The following CELSR1 variants were observed in gnomAD, a reference collection of about 807,000 sequenced individuals.
The protein encoded by CELSR1 is adhesion G protein-coupled receptor C1.
A neutral mutation model predicts 249.1 loss-of-function variants in CELSR1; 110 were observed. The ratio of observed to expected loss-of-function variants is 0.44; its 90% CI spans 0.38 to 0.52. The LOEUF is 0.52. Among genes scored for constraint, CELSR1 ranks in the 20% least tolerant of loss-of-function variants. The pLI is 0.00. For synonymous variants in CELSR1, 2,113 were observed against 1,900.0 expected, an observed-to-expected ratio of 1.11 and a Z score of -2.92; for missense variants, 4,109 against 4,296.4, an observed-to-expected ratio of 0.96 and a Z score of 1.22.
At position 46,364,040 on chromosome 22, in the gene CELSR1, C is replaced by A; in HGVS notation, c.8991G>T (p.Met2997Ile). The A allele has an allele frequency of 1.9e-6, 3 of 1,611,776 alleles. No homozygotes were observed. Among genetic ancestry groups the A allele is most frequent in the Middle Eastern group, 1.7e-4 (1 of 6,010 alleles). The change falls in exon 34 of 35, where the codon ATG (methionine) becomes ATT (isoleucine). Residue 2997 changes from methionine (M) to isoleucine (I), a missense_variant. Transcript: ENST00000674500. ...CCTGGGCGCTCCCAGTGCGCACATT[C>A]ATGGCCACCCCGTTGAGGTGGTCAC... The part of the protein sequence containing the change: ...PGRDHLNGVA[M>I]NVRTGSAQAD...
At chr22:46,419,533 G>A (rs551209311) in intron 5 of CELSR1, among the ~76,000 whole-genome samples, 2 of 152,130 alleles carry the variant, frequency 1.3e-5, no homozygotes, top group African/African-American at 4.8e-5. Flanking sequence ...CACGGGCACC[G>A]GGACAGAGTG....
rs1488597816 is a variant in CELSR1 at position 46,463,874 on chromosome 22, C to T, written c.4016G>A (p.Arg1339Gln). The T allele has an allele frequency of 1.9e-6, 3 of 1,612,662 alleles. No homozygotes were observed. The highest frequency in any genetic ancestry group is 1.3e-5 in the African/African-American group (1 of 74,924). Residue 1339 changes from arginine to glutamine, a missense_variant, in exon 2 of 35, where the codon CGG (arginine) becomes CAG (glutamine). Physicochemically the swap from Arg to Gln is conservative, Grantham distance 43. Transcript: ENST00000674500. ...CAGGCCGTTGATGGGGTGGATGGGC[C>T]GGAAGAGCACGGTGGTGGAGCTGAG... is the stretch of plus-strand genomic sequence containing the variant. ...PFLSSTTVLF[R>Q]PIHPINGLRC...
rs756689376 is a variant in CELSR1, at chr22:46,534,163, T to C, written c.3008A>G (p.Glu1003Gly). The C allele has an allele frequency of 1.2e-6, 2 of 1,613,744 alleles. No homozygotes were observed. The highest frequency in any genetic ancestry group is 2.7e-5 in the African/African-American group (2 of 74,926). The stretch of plus-strand genomic sequence containing the variant: ...GTTCTCCTCAACAAACAGCTCCAGT[T>C]CGTCCTTCTCAAACATGGGGGCATT... ...NDNAPMFEKD[E>G]LELFVEENNP... The change falls in exon 1 of 35, where the codon GAA becomes GGA. Residue 1003 changes from glutamate (E) to glycine (G), a missense_variant. Around this residue, in one of 7 missense-constraint regions of CELSR1, gnomAD observed 886 missense variants for 896.5 expected, o/e 0.99. Transcript: ENST00000674500. The surrounding 1 kb of genome is among the most constrained non-coding windows in gnomAD (Gnocchi z 9.7).
rs2078720077 is a variant in CELSR1 at position 46,362,823 on chromosome 22, CG to C, written c.*399del. On this transcript the variant is annotated 3_prime_UTR_variant, in exon 35 of 35. Transcript: ENST00000674500. ...CACTGCCATGAGATGCCCGCCTGGG[CG>C]GGGCTGGACCGCGGTCTTTGGTCTG... 3 of 301,908 alleles carry C rather than the reference CG, an allele frequency of 9.9e-6. No individual in the cohort carries two copies. The South Asian group carries it at 2.7e-4, about 27-fold the overall frequency. The allele number at this position is 301,908 out of a possible 1,614,324, so 18.7% of individuals were successfully genotyped here. A position where few individuals can be genotyped will look rare whatever the true frequency, so the allele number is the denominator to read the frequency against.
At chr22:46,513,755 G>A (rs1471962842) in intron 1 of CELSR1, among the ~76,000 whole-genome samples, 1 of 152,126 alleles carries the variant, frequency 6.6e-6, no homozygotes, top group Non-Finnish European at 1.5e-5. Context: ...ATATGGCCCA[G>A]AAGCTCAAAG....
In CELSR1 at chr22:46,413,373, G is replaced by A. The variant is rs1423679181; in HGVS notation, c.4612-1614C>T. ...ACGCCCTGCCTGGAGTTGTGCAGTG[G>A]GCAGCCTGCACAACTGTATGTGGCC... On this transcript the variant is annotated intron_variant, in intron 5 of 34. Transcript: ENST00000674500. The surrounding 1 kb of genome is among the most constrained non-coding windows in gnomAD (Gnocchi z 4.7). Among the ~76,000 whole-genome samples, 4 of 152,140 alleles carry A rather than the reference G, an allele frequency of 2.6e-5. No homozygotes were observed. The highest frequency in any genetic ancestry group is 5.9e-5 in the Non-Finnish European group (4 of 68,018).
At position 46,367,769 on chromosome 22, in the gene CELSR1, A is replaced by T; in HGVS notation, c.8039T>A (p.Leu2680Gln). 6.2e-7 allele frequency: 1 copy of T among 1,609,838 alleles called. No homozygotes were observed. Among genetic ancestry groups the T allele is most frequent in the Non-Finnish European group, 8.5e-7 (1 of 1,178,970 alleles). ...LGLLAVNRDALSFHYLFAIFS... is the reference protein window; with the variant it reads ...LGLLAVNRDAQSFHYLFAIFS... ...GATGGCGAAGAGGTAGTGAAAGCTC[A>T]GTGCATCGCGGTTCACAGCCAGCAG... The change falls in exon 28 of 35, where the codon CTG becomes CAG. Residue 2680 changes from leucine to glutamine, a missense_variant. Coordinates refer to ENST00000674500, the MANE Select transcript of CELSR1 (RefSeq NM_001378328.1).
At chr22:46,439,756 C>T (rs1045799508) in intron 2 of CELSR1, among the ~76,000 whole-genome samples, 2 of 152,118 alleles carry the variant, frequency 1.3e-5, no homozygotes, top group Non-Finnish European at 2.9e-5. Flanking sequence ...GAGCTGGACT[C>T]TTCTGAGGGG....
chr22:46,474,785 C>CTTTTTT (rs1569189753), intron 1 of CELSR1, among the ~76,000 whole-genome samples: 34 of 45,180 alleles, frequency 7.5e-4, no homozygotes, highest in African/African-American at 3.3e-3. Flanking sequence ...CTACTCTCTA[C>CTTTTTT]TTCTTTTTTT....
intron 5 of CELSR1, among the ~76,000 whole-genome samples, chr22:46,422,766 C>CAAAAAAAA (rs372904848): frequency 3.1e-4 from 31 of 99,326 alleles, no homozygotes; most frequent in African/African-American, 1.1e-3. Flanking sequence ...GACTCCATCT[C>CAAAAAAAA]AAAAAAAAAA....
chr22:46,372,071 T>A (rs528958596), intron 25 of CELSR1, among the ~76,000 whole-genome samples: 74 of 143,800 alleles, frequency 5.1e-4, no homozygotes, highest in Non-Finnish European at 9.1e-4. Context: ...ACCCATCCAC[T>A]AATCCCATCC....
At chr22:46,400,273 G>A (rs1057053181) in intron 9 of CELSR1, among the ~76,000 whole-genome samples, 3 of 151,846 alleles carry the variant, frequency 2.0e-5, no homozygotes, top group African/African-American at 7.3e-5. Context: ...AGGTTGCAGT[G>A]AGCTGAGATC....
In CELSR1 at chr22:46,382,062, G is replaced by A; in HGVS notation, c.6884-12C>T. 3.3e-6 allele frequency: 5 copies of A among 1,515,736 alleles called. No individual in the cohort carries two copies. The highest frequency in any genetic ancestry group is 4.4e-6 in the Non-Finnish European group (5 of 1,129,384). The allele number at this position is 1,515,736 out of a possible 1,614,324, so 93.9% of individuals were successfully genotyped here. A position where few individuals can be genotyped will look rare whatever the true frequency, so the allele number is the denominator to read the frequency against. On this transcript the variant is annotated splice_polypyrimidine_tract_variant and intron_variant, in intron 20 of 34. Transcript: ENST00000674500. ...CAGCAGGGGGCCTTCTGCAATGTGA[G>A]CAGAAGGTGAGGACTCTGGCAGGAG...
Position 46,534,407 on chromosome 22 carries a change from C to T in CELSR1, c.2764G>A (p.Gly922Ser), listed in dbSNP as rs2080827114. Residue 922 changes from glycine (G) to serine (S), a missense_variant, in exon 1 of 35, where the codon GGT becomes AGT. Gly to Ser is a moderately conservative substitution (Grantham distance 56). This residue lies in a region of CELSR1 where 886 missense variants were observed against 896.5 expected (regional missense o/e 0.99). Coordinates refer to ENST00000674500, the MANE Select transcript of CELSR1 (RefSeq NM_001378328.1). The surrounding 1 kb of genome is among the most constrained non-coding windows in gnomAD (Gnocchi z 9.7). ...LQVSATDRDS[G>S]PNGRLLYTFQ... ...GTGTACAGCAGACGCCCATTGGGAC[C>T]TGAGTCCCGGTCCGTGGCAGAGACC... 6.2e-7 allele frequency: 1 copy of T among 1,612,812 alleles called. No homozygotes were observed. The highest frequency in any genetic ancestry group is 1.1e-5 in the South Asian group (1 of 91,090).
Position 46,377,277 on chromosome 22 carries a change from T to G in CELSR1, c.7384-16A>C, listed in dbSNP as rs1602043323. ...CCTCCCCGTTCTATGGGCAGGAGGG[T>G]TAAAGGCAGGAGAGAAGGTAAGGGC... On this transcript the variant is annotated splice_polypyrimidine_tract_variant and intron_variant, in intron 23 of 34. Transcript: ENST00000674500. The G allele has an allele frequency of 1.2e-6, 2 of 1,612,826 alleles. No homozygotes were observed. The highest frequency in any genetic ancestry group is 1.3e-5 in the African/African-American group (1 of 75,002).
intron 24 of CELSR1, among the ~76,000 whole-genome samples, chr22:46,375,687 G>C (rs540875701): frequency 6.6e-6 from 1 of 152,150 alleles, no homozygotes; most frequent in East Asian, 1.9e-4. Context: ...GGGATTACAG[G>C]TGCGTACCAC....
rs754974275 is a variant in CELSR1 at position 46,433,464 on chromosome 22, C to T, written c.4540G>A (p.Val1514Met). ...ACACCACTGGGAACCTTCGGTGCCA[C>T]GGTCGTTGTTGTCTCGCCTGCATGG... ...TFSAGETTTTVAPKVPSGVSD... is the reference protein window; with the variant it reads ...TFSAGETTTTMAPKVPSGVSD... The change falls in exon 5 of 35, where the codon GTG becomes ATG. Residue 1514 changes from valine to methionine, a missense_variant. By Grantham distance (21) the Val-to-Met change is conservative. This residue lies in a region of CELSR1 where 453 missense variants were observed against 492.0 expected (regional missense o/e 0.92). Transcript: ENST00000674500. The surrounding 1 kb of genome is among the most constrained non-coding windows in gnomAD (Gnocchi z 5.7). The T allele has an allele frequency of 3.4e-5, 55 of 1,613,814 alleles. No homozygotes were observed. The highest frequency in any genetic ancestry group is 1.6e-4 in the Middle Eastern group (1 of 6,084).
chr22:46,525,342 G>A (rs149844054), intron 1 of CELSR1, among the ~76,000 whole-genome samples: 146 of 152,120 alleles, frequency 9.6e-4, no homozygotes, highest in Middle Eastern at 3.4e-3. Context: ...TCCGCTACTC[G>A]GGAGGCTGAG....
intron 1 of CELSR1, among the ~76,000 whole-genome samples, chr22:46,532,897 G>C (rs2080806842): frequency 6.6e-6 from 1 of 152,166 alleles, no homozygotes; most frequent in Admixed American, 6.5e-5. Context: ...TCTGACTGCT[G>C]AGCCAAGGTT....
Sources: allele counts gnomAD v4.1 joint callset (sites outside exome capture counted in the v4.1 genomes callset), GRCh38; gene constraint gnomAD v4.1.1; regional missense constraint gnomAD v4.1.1; non-coding constraint Gnocchi (gnomAD v3.1); transcripts MANE v1.5; gene names NCBI Gene and HGNC (gene_info 2026-07-23, HGNC 2026-07-21).